The following ACACA variants were observed in gnomAD, a reference collection of about 807,000 sequenced individuals.
The protein encoded by ACACA is acetyl-CoA carboxylase 1.
In ACACA, 103 loss-of-function variants were observed where a neutral mutation model predicts 296.1. The ratio of observed to expected loss-of-function variants is 0.35; its 90% CI spans 0.30 to 0.41. The LOEUF (loss-of-function observed/expected upper bound fraction) is 0.41, where lower values mean the gene tolerates loss of function less well. Ranked by LOEUF, ACACA falls within the 10% of genes least tolerant of loss-of-function variation. ACACA has a pLI of 1.00. For missense variants in ACACA, 1,554 were observed against 2,989.7 expected (o/e 0.52, Z 11.20); for synonymous variants, 953 against 1,038.6 (o/e 0.92, Z 1.58).
At chr17:37,275,791 C>A (rs1311453444) in intron 8 of ACACA, among the ~76,000 whole-genome samples, 160 bp downstream of exon 8, 1 of 152,168 alleles carries the variant, frequency 6.6e-6, no homozygotes, top group Non-Finnish European at 1.5e-5. Context: ...CTAAAAGAAT[C>A]ACAGGTGTAT....
intron 54 of ACACA, 65 bp downstream of exon 54, chr17:37,096,931 A>G: frequency 1.3e-6 from 2 of 1,599,282 alleles, no homozygotes; most frequent in Non-Finnish European, 1.7e-6. Flanking sequence ...TGCTGGCGAG[A>G]CTTGCAGCCC....
chr17:37,317,195 CATTT>C (rs1279938182), intron 3 of ACACA, among the ~76,000 whole-genome samples: 1 of 151,908 alleles, frequency 6.6e-6, no homozygotes, highest in Non-Finnish European at 1.5e-5. Flanking sequence ...TTTTTAATGA[CATTT>C]ATCCTTAAGT....
At chr17:37,308,719 T>C (rs2083994135) in intron 3 of ACACA, among the ~76,000 whole-genome samples, 1 of 152,046 alleles carries the variant, frequency 6.6e-6, no homozygotes, top group African/African-American at 2.4e-5. Context: ...AGGTGGATCA[T>C]TTGAGGTCAG....
At chr17:37,283,148 A>G in intron 5 of ACACA, 119 bp downstream of exon 5, 1 of 1,226,010 alleles carries the variant, frequency 8.2e-7, no homozygotes. Flanking sequence ...TTTTAAAAGG[A>G]TTTTACTTGG....
intron 1 of ACACA, chr17:37,358,934 C>T (rs970781236): frequency 1.0e-6 from 1 of 986,146 alleles, no homozygotes; most frequent in African/African-American, 1.7e-5. Context: ...CCTGCCGCCG[C>T]CCCTCCCTTG....
intron 45 of ACACA, chr17:37,143,778 CT>C: frequency 5.7e-6 from 6 of 1,048,912 alleles, no homozygotes; most frequent in Non-Finnish European, 7.5e-6. Context: ...TGGCAACTCC[CT>C]TTTTTGCTGC....
intron 42 of ACACA, among the ~76,000 whole-genome samples, chr17:37,160,470 A>C (rs2076415586): frequency 1.3e-5 from 2 of 152,170 alleles, no homozygotes. Flanking sequence ...GATATCAGCT[A>C]AGAGTGGGGA....
chr17:37,097,944 C>T lies in ACACA; in HGVS notation c.6606G>A (p.Glu2202=), dbSNP rs750224663. ...ELSTAERKEL[E]NKLKEREEFL... ...ATTCCTCCCGCTCCTTCAACTTGTTCTCCAACTCCTTCCGCTCAGCTGTGC... is the reference window on the plus strand; with the variant it reads ...ATTCCTCCCGCTCCTTCAACTTGTTTTCCAACTCCTTCCGCTCAGCTGTGC... Residue 2202 remains glutamate, a synonymous_variant, in exon 53 of 56, where the codon GAG becomes GAA. Coordinates refer to ENST00000616317, the MANE Select transcript of ACACA (RefSeq NM_198834.3). This position sits in a 1 kb window ranked among gnomAD's most constrained non-coding sequence, Gnocchi z 4.8. 5.6e-6 allele frequency: 9 copies of T among 1,614,072 alleles called. No individual in the cohort carries two copies. The East Asian group carries it at 2.0e-4, about 36-fold the overall frequency.
chr17:37,401,912 T>C (rs1034509111), intron 1 of ACACA, among the ~76,000 whole-genome samples: 1 of 152,190 alleles, frequency 6.6e-6, no homozygotes, highest in African/African-American at 2.4e-5. Context: ...GAGGACAAAC[T>C]GTTGGGATAT....
At chr17:37,233,219 G>A (rs945127460) in intron 25 of ACACA, among the ~76,000 whole-genome samples, 9 of 152,114 alleles carry the variant, frequency 5.9e-5, no homozygotes, top group African/African-American at 1.4e-4. Flanking sequence ...CCTGAGCTCC[G>A]AACAGCTGCC....
rs1201251056 is a variant in ACACA, at chr17:37,366,785, A to T, written c.39-26935T>A. Among the ~76,000 whole-genome samples the T allele has an allele frequency of 1.4e-4, 15 of 109,544 alleles. No homozygotes were observed. In the East Asian group the frequency reaches 2.0e-3, roughly 14 times the overall value. 71.9% of individuals were successfully genotyped at this position (109,544 alleles called of 152,430 possible). A position where few individuals can be genotyped will look rare whatever the true frequency, so the allele number is the denominator to read the frequency against. On this transcript the variant is annotated intron_variant, in intron 1 of 55. Coordinates refer to ENST00000616317, the MANE Select transcript of ACACA (RefSeq NM_198834.3). The stretch of plus-strand genomic sequence containing the variant: ...CCTGGCCACAATGTCACGTCTTTTT[A>T]AAAAAAAAATCTCACCTCTGGGCCA...
intron 54 of ACACA, among the ~76,000 whole-genome samples, chr17:37,091,449 TAAAC>T (rs751559420): frequency 3.9e-5 from 6 of 152,126 alleles, no homozygotes; most frequent in Non-Finnish European, 5.9e-5. Flanking sequence ...TTAGCAAAAA[TAAAC>T]AAACTTATGT....
At chr17:37,236,618 C>T (rs1173433268) in intron 24 of ACACA, among the ~76,000 whole-genome samples, 1 of 151,998 alleles carries the variant, frequency 6.6e-6, no homozygotes, top group Non-Finnish European at 1.5e-5. Flanking sequence ...TGAGGTCAGA[C>T]ATTTGAGACC....
chr17:37,130,635 C>A (rs2075046811), intron 45 of ACACA, among the ~76,000 whole-genome samples: 1 of 151,950 alleles, frequency 6.6e-6, no homozygotes, highest in Non-Finnish European at 1.5e-5. Context: ...TTCATGGTTG[C>A]AATTTTAAAA....
chr17:37,273,219 C>A (rs1349402977), intron 9 of ACACA, among the ~76,000 whole-genome samples: 1 of 152,136 alleles, frequency 6.6e-6, no homozygotes, highest in African/African-American at 2.4e-5. Flanking sequence ...TTACATGACA[C>A]AAGTCAAACT....
rs1015248460 is a variant in ACACA, at chr17:37,087,556, C to T, written c.7029-117G>A. Reference sequence around the variant, plus strand: ...CCGTCCACTGCAGACATTTTAGTCACGCCTCACCTTATTTGTTTCCCTATA... The same window carrying T: ...CCGTCCACTGCAGACATTTTAGTCATGCCTCACCTTATTTGTTTCCCTATA... On this transcript the variant is annotated intron_variant, in intron 55 of 55. Coordinates refer to ENST00000616317, the MANE Select transcript of ACACA (RefSeq NM_198834.3). 46 of 1,240,494 alleles carry T rather than the reference C, an allele frequency of 3.7e-5. No homozygotes were observed. In the South Asian group the frequency reaches 4.4e-4, roughly 12 times the overall value. 76.8% of individuals were successfully genotyped at this position (1,240,494 alleles called of 1,614,324 possible).
chr17:37,376,048 A>G, intron 1 of ACACA: 1 of 1,540,430 alleles, frequency 6.5e-7, no homozygotes, highest in Non-Finnish European at 9.0e-7. Flanking sequence ...GGGCTGTGAC[A>G]GATGAGCAGT....
chr17:37,225,013 T>C lies in ACACA; in HGVS notation c.3453A>G (p.Gln1151=), dbSNP rs375376670. ...FLSAIDMYGH[Q]FCIENLQKLI... Reference sequence around the variant, plus strand: ...ATACCTGCAGGTTCTCAATGCAAAATTGATGTCCATACATGTCAATAGCTG... The same window carrying C: ...ATACCTGCAGGTTCTCAATGCAAAACTGATGTCCATACATGTCAATAGCTG... The change falls in exon 27 of 56, where the codon CAA becomes CAG. Residue 1151 remains glutamine, a synonymous_variant. Transcript: ENST00000616317. 2 of 1,599,280 alleles carry C rather than the reference T, an allele frequency of 1.3e-6. No individual in the cohort carries two copies. The highest frequency in any genetic ancestry group is 1.3e-5 in the African/African-American group (1 of 74,232).
chr17:37,278,079 G>A (rs1272273586), intron 5 of ACACA, 74 bp from the exon 6 acceptor site: 10 of 1,099,588 alleles, frequency 9.1e-6, no homozygotes, highest in East Asian at 4.8e-5. Context: ...GCAAAACTAC[G>A]TAAAGGTCAG....
Sources: gnomAD v4.1 joint callset for allele counts (sites outside exome capture counted in the v4.1 genomes callset) on GRCh38, gnomAD v4.1.1 for gene constraint, Gnocchi (gnomAD v3.1) non-coding constraint, MANE v1.5 for transcripts, NCBI Gene and HGNC (gene_info 2026-07-23, HGNC 2026-07-21) for gene names.